The following ANK3 variants were observed in gnomAD, a reference collection of about 807,000 sequenced individuals.
The protein encoded by ANK3 is ankyrin-3.
In ANK3, 57 loss-of-function variants were observed where a neutral mutation model predicts 370.9. The observed-to-expected ratio is 0.15, with a 90% CI of 0.12 to 0.19. The LOEUF (loss-of-function observed/expected upper bound fraction) is 0.19. Ranked by LOEUF, ANK3 falls within the 10% of genes least tolerant of loss-of-function variation. ANK3 has a pLI of 1.00. For missense variants in ANK3, 4,439 were observed against 5,302.1 expected, an observed-to-expected ratio of 0.84 and a Z score of 5.06; for synonymous variants, 1,929 against 1,946.3, an observed-to-expected ratio of 0.99 and a Z score of 0.23.
intron 2 of ANK3, 35 bp from the exon 3 acceptor site, chr10:60,279,183 G>C (rs17807133): frequency 0.025 from 39,986 of 1,589,634 alleles, 588 homozygotes; most frequent in South Asian, 0.029. Context: ...CTACTCAGCA[G>C]GTTGAAAATA....
At chr10:60,393,414 T>C (rs1240741894), upstream of ANK3, among the ~76,000 whole-genome samples, 1 of 152,204 alleles carries the variant, frequency 6.6e-6, no homozygotes, top group Admixed American at 6.5e-5. Context: ...ACTAACAAGT[T>C]TCATGTAGAG....
chr10:60,493,646 T>C (rs1432156651), intron 2 of ANK3, among the ~76,000 whole-genome samples: 1 of 151,930 alleles, frequency 6.6e-6, no homozygotes, highest in Non-Finnish European at 1.5e-5. Flanking sequence ...TAGAGAGAAA[T>C]TGTGTGTTCC....
In ANK3 at chr10:60,173,171, G is replaced by T; in HGVS notation, c.2200C>A (p.Leu734Met). 1 of 1,613,012 alleles carries T rather than the reference G, an allele frequency of 6.2e-7. No individual in the cohort carries two copies. The highest frequency in any genetic ancestry group is 1.1e-5 in the South Asian group (1 of 91,038). The change falls in exon 19 of 44, where the codon CTG becomes ATG. Residue 734 changes from leucine to methionine, a missense_variant. Physicochemically the swap from Leu to Met is conservative, Grantham distance 15. Coordinates refer to ENST00000280772, the MANE Select transcript of ANK3 (RefSeq NM_020987.5). The stretch of plus-strand genomic sequence containing the variant: ...TTTCCATAGTGGCAGCCCACATGCA[G>T]TGGTGTGTATCCCATCTGTAATTAT... Reference protein sequence around the residue: ...DAQTKMGYTPLHVGCHYGNIK... With the variant: ...DAQTKMGYTPMHVGCHYGNIK...
chr10:60,206,001 A>G (rs2096756710), intron 10 of ANK3, 111 bp from the exon 11 acceptor site: 2 of 728,206 alleles, frequency 2.7e-6, no homozygotes, highest in African/African-American at 1.7e-5. Flanking sequence ...TGAAATGAAC[A>G]GAAAGTACCA....
At chr10:60,571,888 A>T (rs1383967751) in intron 2 of ANK3, among the ~76,000 whole-genome samples, 2 of 152,204 alleles carry the variant, frequency 1.3e-5, no homozygotes, top group Non-Finnish European at 2.9e-5. Flanking sequence ...GGAAAACAAA[A>T]TTAATTTTTT....
At chr10:60,404,754 A>C (rs1745685146) in intron 2 of ANK3, among the ~76,000 whole-genome samples, 1 of 152,322 alleles carries the variant, frequency 6.6e-6, no homozygotes, top group Admixed American at 6.5e-5. Context: ...TCTGCACTTC[A>C]AAGCCCACTG....
chr10:60,455,314 GA>G (rs1297771403), intron 2 of ANK3, among the ~76,000 whole-genome samples: 2 of 152,084 alleles, frequency 1.3e-5, no homozygotes, highest in African/African-American at 4.8e-5. Flanking sequence ...AAACATTCCT[GA>G]TTAATACAGA....
intron 2 of ANK3, chr10:60,615,113 G>A: frequency 2.0e-6 from 2 of 993,944 alleles, no homozygotes; most frequent in Non-Finnish European, 2.8e-6. Flanking sequence ...TCAACTCTAT[G>A]TTTATAATTG....
At chr10:60,294,443 T>C (rs527831475) in intron 1 of ANK3, among the ~76,000 whole-genome samples, 10 of 152,292 alleles carry the variant, frequency 6.6e-5, no homozygotes, top group African/African-American at 1.9e-4. Flanking sequence ...CACCAGCTGA[T>C]GCAGCTGGAG....
chr10:60,585,081 C>T (rs1229536634), intron 2 of ANK3, among the ~76,000 whole-genome samples: 3 of 152,194 alleles, frequency 2.0e-5, no homozygotes, highest in Non-Finnish European at 4.4e-5. Flanking sequence ...CCTATTACAG[C>T]AGCCAGCATT....
At chr10:60,282,006 G>T (rs916354091) in intron 1 of ANK3, among the ~76,000 whole-genome samples, 5 of 152,204 alleles carry the variant, frequency 3.3e-5, no homozygotes, top group African/African-American at 9.7e-5. Flanking sequence ...CTATTTAGAG[G>T]TTAGTTTTTT....
intron 1 of ANK3, among the ~76,000 whole-genome samples, chr10:60,722,103 G>A (rs182194643): frequency 1.8e-4 from 27 of 151,966 alleles, no homozygotes; most frequent in Admixed American, 1.5e-3. Context: ...GTGGACATCC[G>A]CACCAACCTA....
At chr10:60,444,241 C>T (rs941644216) in intron 2 of ANK3, among the ~76,000 whole-genome samples, 1 of 151,326 alleles carries the variant, frequency 6.6e-6, no homozygotes, top group Non-Finnish European at 1.5e-5. Context: ...AACAGTTAAC[C>T]CCAGCTAGAG....
intron 7 of ANK3, among the ~76,000 whole-genome samples, chr10:60,238,228 C>T (rs1592235380): frequency 6.6e-6 from 1 of 152,308 alleles, no homozygotes; most frequent in South Asian, 2.1e-4. Flanking sequence ...CTGTGAGCTG[C>T]ACTTCCACTG....
At chr10:60,487,451 A>G (rs958087577) in intron 2 of ANK3, among the ~76,000 whole-genome samples, 4 of 152,252 alleles carry the variant, frequency 2.6e-5, no homozygotes, top group Admixed American at 1.3e-4. Flanking sequence ...TAGAAAAGAC[A>G]TCAATAATTG....
chr10:60,181,014 C>G (rs2096162365), intron 18 of ANK3, among the ~76,000 whole-genome samples: 1 of 152,082 alleles, frequency 6.6e-6, no homozygotes, highest in African/African-American at 2.4e-5. Flanking sequence ...AAACATCCAT[C>G]ACAAAAACTA....
At chr10:60,184,058 A>T (rs1303344972) in intron 17 of ANK3, among the ~76,000 whole-genome samples, 2 of 152,314 alleles carry the variant, frequency 1.3e-5, no homozygotes, top group African/African-American at 4.8e-5. Flanking sequence ...GGGGTTCATG[A>T]TCATTTTTCC....
At chr10:60,238,225 C>T (rs1292090267) in intron 7 of ANK3, among the ~76,000 whole-genome samples, 1 of 152,204 alleles carries the variant, frequency 6.6e-6, no homozygotes, top group Non-Finnish European at 1.5e-5. Flanking sequence ...ACGCTGTGAG[C>T]TGCACTTCCA....
chr10:60,558,443 A>G (rs2077258686), intron 2 of ANK3, among the ~76,000 whole-genome samples: 1 of 152,104 alleles, frequency 6.6e-6, no homozygotes, highest in Non-Finnish European at 1.5e-5. Context: ...CTGATTCTGA[A>G]TCTCATATTC....
Sources: allele counts gnomAD v4.1 joint callset (sites outside exome capture counted in the v4.1 genomes callset), GRCh38; gene constraint gnomAD v4.1.1; transcripts MANE v1.5; gene names NCBI Gene and HGNC (gene_info 2026-07-23, HGNC 2026-07-21).